ZNF385B: variants seen among roughly 807,000 people sequenced by gnomAD.
The protein encoded by ZNF385B is zinc finger protein 533.
In ZNF385B, 23 loss-of-function variants were observed where a neutral mutation model predicts 39.2. The ratio of observed to expected loss-of-function variants is 0.59; its 90% CI spans 0.42 to 0.83. ZNF385B has a LOEUF of 0.83. Among genes scored for constraint, ZNF385B ranks in the 40% least tolerant of loss-of-function variants. ZNF385B has a pLI of 0.00. For missense variants in ZNF385B, 552 were observed against 598.9 expected, an observed-to-expected ratio of 0.92 and a Z score of 0.82; for synonymous variants, 205 against 222.6, an observed-to-expected ratio of 0.92 and a Z score of 0.70.
intron 3 of ZNF385B, among the ~76,000 whole-genome samples, chr2:179,571,813 C>A (rs1423872308): frequency 6.6e-6 from 1 of 152,034 alleles, no homozygotes. Context: ...TTAGACACAA[C>A]CCTCCTCTGG....
At chr2:179,667,120 G>A (rs1695265944) in intron 3 of ZNF385B, among the ~76,000 whole-genome samples, 1 of 152,188 alleles carries the variant, frequency 6.6e-6, no homozygotes, top group Admixed American at 6.5e-5. Flanking sequence ...CATCTCTGCT[G>A]CCCTCTTCCC....
intron 6 of ZNF385B, among the ~76,000 whole-genome samples, chr2:179,464,937 C>G (rs1448412302): frequency 6.6e-6 from 1 of 152,078 alleles, no homozygotes; most frequent in Non-Finnish European, 1.5e-5. Flanking sequence ...CTAAAAGTCA[C>G]TCCTTAACTC....
intron 3 of ZNF385B, among the ~76,000 whole-genome samples, chr2:179,695,669 G>C (rs1698682824): frequency 6.6e-6 from 1 of 152,148 alleles, no homozygotes; most frequent in Admixed American, 6.5e-5. Flanking sequence ...ACACCCAGAT[G>C]CCCAGAATTA....
At chr2:179,455,082 C>G (rs1358683988) in intron 6 of ZNF385B, among the ~76,000 whole-genome samples, 1 of 152,162 alleles carries the variant, frequency 6.6e-6, no homozygotes, top group Non-Finnish European at 1.5e-5. Context: ...CAACTTCCAC[C>G]TCTACAAGTT....
chr2:179,550,735 C>A (rs190163932), intron 3 of ZNF385B, among the ~76,000 whole-genome samples: 3 of 149,270 alleles, frequency 2.0e-5, no homozygotes, highest in Non-Finnish European at 4.4e-5. Context: ...GGACAAAGTG[C>A]ATTTTTTTGA....
chr2:179,788,614 GAGA>G (rs1305277215), intron 1 of ZNF385B, among the ~76,000 whole-genome samples: 1 of 152,084 alleles, frequency 6.6e-6, no homozygotes, highest in African/African-American at 2.4e-5. Flanking sequence ...CCCAATTACT[GAGA>G]AGAAGGTCAG....
intron 8 of ZNF385B, 69 bp downstream of exon 8, chr2:179,445,481 A>G (rs759223763): frequency 2.0e-6 from 3 of 1,485,044 alleles, no homozygotes; most frequent in Admixed American, 2.1e-5. Context: ...AAACCATTCT[A>G]TAGATGAGAA....
Position 179,769,811 on chromosome 2 carries a change from C to A in ZNF385B, c.-2-9G>T, listed in dbSNP as rs774392263. 7 of 1,590,638 alleles carry A rather than the reference C, an allele frequency of 4.4e-6. No individual in the cohort carries two copies. The highest frequency in any genetic ancestry group is 6.0e-6 in the Non-Finnish European group (7 of 1,167,308). ...TAAGGAGTACCTCATGCCTGAAAAA[C>A]AAAACAAGTACAAGTGCTTCTGAAA... is the stretch of plus-strand genomic sequence containing the variant. On this transcript the variant is annotated splice_polypyrimidine_tract_variant and intron_variant, in intron 2 of 9. Coordinates refer to ENST00000410066, the MANE Select transcript of ZNF385B (RefSeq NM_152520.6).
chr2:179,698,237 T>C (rs1181919942), intron 3 of ZNF385B, among the ~76,000 whole-genome samples: 1 of 152,098 alleles, frequency 6.6e-6, no homozygotes, highest in Non-Finnish European at 1.5e-5. Flanking sequence ...AAAGATAGTT[T>C]TTAGTGAGTC....
chr2:179,844,171 A>G (rs1403476658), intron 1 of ZNF385B, among the ~76,000 whole-genome samples: 6 of 152,228 alleles, frequency 3.9e-5, no homozygotes. Flanking sequence ...ACGGACATCG[A>G]TTGAAACCGC....
chr2:179,620,898 G>A (rs949953743), intron 3 of ZNF385B, among the ~76,000 whole-genome samples: 2 of 152,062 alleles, frequency 1.3e-5, no homozygotes, highest in African/African-American at 4.8e-5. Context: ...ACTAGTCTTA[G>A]TTGTATACAT....
intron 5 of ZNF385B, among the ~76,000 whole-genome samples, chr2:179,493,654 C>T (rs2055627561): frequency 9.6e-6 from 1 of 104,610 alleles, no homozygotes; most frequent in Non-Finnish European, 2.0e-5. Flanking sequence ...TATGCGTATA[C>T]ATATATGTAT....
At chr2:179,503,433 T>A (rs1452242858) in intron 5 of ZNF385B, among the ~76,000 whole-genome samples, 1 of 152,218 alleles carries the variant, frequency 6.6e-6, no homozygotes, top group African/African-American at 2.4e-5. Flanking sequence ...TGAAAACTAA[T>A]GCAAAAGACA....
intron 1 of ZNF385B, among the ~76,000 whole-genome samples, chr2:179,816,237 A>G (rs748333593): frequency 3.9e-5 from 6 of 152,190 alleles, no homozygotes; most frequent in Non-Finnish European, 8.8e-5. Flanking sequence ...CCCACTTCAA[A>G]TAGAGCTGCA....
At chr2:179,764,376 T>C (rs1703571273) in intron 3 of ZNF385B, among the ~76,000 whole-genome samples, 3 of 151,382 alleles carry the variant, frequency 2.0e-5, no homozygotes, top group Admixed American at 2.0e-4. Flanking sequence ...AAGCAGCATA[T>C]AGTTGGGTTT....
chr2:179,453,797 C>A (rs1397889743), intron 6 of ZNF385B, among the ~76,000 whole-genome samples: 2 of 152,048 alleles, frequency 1.3e-5, no homozygotes, highest in Non-Finnish European at 2.9e-5. Context: ...GAAGTGTGGA[C>A]CTTTAGTGGC....
chr2:179,773,283 C>A (rs980278710), intron 1 of ZNF385B, among the ~76,000 whole-genome samples: 3 of 152,180 alleles, frequency 2.0e-5, no homozygotes, highest in Admixed American at 2.0e-4. Flanking sequence ...GAACAAGAAA[C>A]TGCCTCCCTT....
intron 5 of ZNF385B, among the ~76,000 whole-genome samples, chr2:179,484,880 T>C (rs74717240): frequency 0.018 from 2,756 of 152,142 alleles, 81 homozygotes; most frequent in African/African-American, 0.062. Flanking sequence ...ACGTTTCTAG[T>C]TGGAGGATGC....
chr2:179,711,973 A>G (rs1700034991), intron 3 of ZNF385B, among the ~76,000 whole-genome samples: 1 of 148,008 alleles, frequency 6.8e-6, no homozygotes, highest in South Asian at 2.1e-4. Context: ...TCCCCTCGAT[A>G]AACTCTGTGT....
Sources: gnomAD v4.1 joint callset for allele counts (sites outside exome capture counted in the v4.1 genomes callset) on GRCh38, gnomAD v4.1.1 for gene constraint, MANE v1.5 for transcripts, NCBI Gene and HGNC (gene_info 2026-07-23, HGNC 2026-07-21) for gene names.